GHR: variants seen among roughly 807,000 people sequenced by gnomAD.
GHR encodes GH receptor.
A neutral mutation model predicts 67.1 loss-of-function variants in GHR; 35 were observed. The observed-to-expected ratio is 0.52, with a 90% confidence interval of 0.40 to 0.69. The LOEUF is 0.69. GHR is among the 30% of genes least tolerant of loss of function. GHR has a pLI of 0.00. For synonymous variants in GHR, 272 were observed against 269.1 expected, an observed-to-expected ratio of 1.01 and a Z score of -0.10; for missense variants, 792 against 764.6, an observed-to-expected ratio of 1.04 and a Z score of -0.42.
chr5:42,537,842 G>T (rs1488499439), intron 1 of GHR, among the ~76,000 whole-genome samples: 1 of 152,124 alleles, frequency 6.6e-6, no homozygotes, highest in African/African-American at 2.4e-5. Flanking sequence ...AACCTCCAGT[G>T]TTAGGCGCAT....
chr5:42,642,609 T>C (rs1390981504), intron 3 of GHR, among the ~76,000 whole-genome samples: 1 of 152,152 alleles, frequency 6.6e-6, no homozygotes, highest in Non-Finnish European at 1.5e-5. Context: ...TTTCAGTAAA[T>C]ACACATGCAG....
intron 1 of GHR, among the ~76,000 whole-genome samples, chr5:42,439,414 G>A (rs1050577530): frequency 2.0e-5 from 3 of 152,144 alleles, no homozygotes; most frequent in Non-Finnish European, 4.4e-5. Flanking sequence ...CTTTTCAAAG[G>A]GGTCCTAAAA....
At chr5:42,490,263 T>C (rs550708645) in intron 1 of GHR, among the ~76,000 whole-genome samples, 3 of 152,344 alleles carry the variant, frequency 2.0e-5, no homozygotes, top group South Asian at 4.1e-4. Context: ...CTCTTAGTAA[T>C]GGGATCACTA....
At chr5:42,514,921 AT>A (rs1180964668) in intron 1 of GHR, 3 of 152,222 alleles carry the variant, frequency 2.0e-5, no homozygotes, top group African/African-American at 7.2e-5. Context: ...GGTGACAACT[AT>A]TAATAAGATC....
At chr5:42,661,628 A>T (rs777316542) in intron 3 of GHR, among the ~76,000 whole-genome samples, 30 of 152,278 alleles carry the variant, frequency 2.0e-4, no homozygotes, top group African/African-American at 6.7e-4. Flanking sequence ...AAGGAACAAC[A>T]GGTACCAGCC....
intron 3 of GHR, among the ~76,000 whole-genome samples, chr5:42,660,429 C>T (rs984108787): frequency 1.3e-5 from 2 of 152,214 alleles, no homozygotes; most frequent in African/African-American, 4.8e-5. Flanking sequence ...GAGGAACGAT[C>T]AGGCAGCAGC....
intron 1 of GHR, among the ~76,000 whole-genome samples, chr5:42,458,023 C>T (rs947243395): frequency 2.6e-5 from 4 of 151,978 alleles, no homozygotes; most frequent in African/African-American, 9.7e-5. Flanking sequence ...TAGAAGATAC[C>T]CATGTATATC....
chr5:42,468,540 C>T, intron 1 of GHR: 1 of 825,598 alleles, frequency 1.2e-6, no homozygotes, highest in Non-Finnish European at 1.9e-6. Flanking sequence ...GGCACGAGAA[C>T]AATGACCCTT....
At chr5:42,665,231 A>C (rs1755894222) in intron 3 of GHR, among the ~76,000 whole-genome samples, 1 of 152,184 alleles carries the variant, frequency 6.6e-6, no homozygotes, top group African/African-American at 2.4e-5. Flanking sequence ...CATTTGACCC[A>C]GCCATCCCAT....
chr5:42,497,587 C>A (rs1186685576), intron 1 of GHR, among the ~76,000 whole-genome samples: 1 of 152,174 alleles, frequency 6.6e-6, no homozygotes, highest in African/African-American at 2.4e-5. Context: ...TACATATCAC[C>A]TATGGCTCCT....
At chr5:42,702,931 G>T (rs920835470) in intron 6 of GHR, among the ~76,000 whole-genome samples, 1 of 151,920 alleles carries the variant, frequency 6.6e-6, no homozygotes. Flanking sequence ...TTATTGAATT[G>T]TTTTAGTTCC....
At chr5:42,452,886 T>G (rs1333818210) in intron 1 of GHR, among the ~76,000 whole-genome samples, 1 of 152,188 alleles carries the variant, frequency 6.6e-6, no homozygotes, top group Non-Finnish European at 1.5e-5. Flanking sequence ...CTGAATTCTT[T>G]GTCTGGAAAT....
intron 3 of GHR, among the ~76,000 whole-genome samples, chr5:42,645,213 A>T (rs937538020): frequency 5.9e-5 from 9 of 152,230 alleles, no homozygotes; most frequent in African/African-American, 2.2e-4. Flanking sequence ...CTTAGAATTT[A>T]CAAGGTCATT....
intron 5 of GHR, among the ~76,000 whole-genome samples, chr5:42,698,234 A>G (rs1305195468): frequency 6.6e-6 from 1 of 152,188 alleles, no homozygotes; most frequent in East Asian, 1.9e-4. Flanking sequence ...TATGCCTGTA[A>G]TGGTATCTCA....
intron 1 of GHR, among the ~76,000 whole-genome samples, chr5:42,471,055 T>C (rs935537340): frequency 2.0e-5 from 3 of 152,218 alleles, no homozygotes; most frequent in Admixed American, 2.0e-4. Context: ...GTAAACTGCA[T>C]GCAAACATCT....
At chr5:42,482,216 G>A (rs1272378402) in intron 1 of GHR, among the ~76,000 whole-genome samples, 2 of 152,192 alleles carry the variant, frequency 1.3e-5, no homozygotes, top group Non-Finnish European at 2.9e-5. Flanking sequence ...AACCGCAAAT[G>A]CTGCTGCCTG....
chr5:42,445,962 A>T (rs894527370), intron 1 of GHR, among the ~76,000 whole-genome samples: 1 of 152,240 alleles, frequency 6.6e-6, no homozygotes, highest in South Asian at 2.1e-4. Flanking sequence ...ATTAATATTA[A>T]CAGGCTCACT....
At chr5:42,504,230 C>G (rs530837827) in intron 1 of GHR, among the ~76,000 whole-genome samples, 1 of 152,226 alleles carries the variant, frequency 6.6e-6, no homozygotes, top group African/African-American at 2.4e-5. Flanking sequence ...GTGATATGAC[C>G]ACATTCTGAC....
intron 2 of GHR, among the ~76,000 whole-genome samples, chr5:42,576,421 G>A (rs577991640): frequency 3.3e-5 from 5 of 152,074 alleles, no homozygotes; most frequent in East Asian, 1.9e-4. Context: ...TATAGGGAGC[G>A]CTATACAATT....
Sources: allele counts gnomAD v4.1 joint callset (sites outside exome capture counted in the v4.1 genomes callset), GRCh38; gene constraint gnomAD v4.1.1; transcripts MANE v1.5; gene names NCBI Gene and HGNC (gene_info 2026-07-23, HGNC 2026-07-21).